Variants in SLC30A10 observed in about 807,000 individuals in gnomAD.
SLC30A10 encodes the protein solute carrier family 30 member 10.
SLC30A10 carries 8 observed loss-of-function variants against 21.7 expected under a neutral mutation model. The ratio of observed to expected loss-of-function variants is 0.37; its 90% CI spans 0.22 to 0.67. The LOEUF (loss-of-function observed/expected upper bound fraction) is 0.67, where lower values mean the gene tolerates loss of function less well. Ranked by LOEUF, SLC30A10 falls within the 30% of genes least tolerant of loss-of-function variation. SLC30A10 has a pLI of 0.58. For synonymous variants in SLC30A10, 272 were observed against 279.4 expected (o/e 0.97, Z 0.26); for missense variants, 521 against 642.5 (o/e 0.81, Z 2.04).
chr1:219,953,488 C>G (rs1431422070), intron 1 of SLC30A10, among the ~76,000 whole-genome samples: 1 of 151,392 alleles, frequency 6.6e-6, no homozygotes, highest in Non-Finnish European at 1.5e-5. Context: ...CCCACCTACT[C>G]GGGAGGCTGA....
intron 1 of SLC30A10, among the ~76,000 whole-genome samples, chr1:219,946,589 G>C (rs868180500): frequency 6.6e-6 from 1 of 152,082 alleles, no homozygotes; most frequent in East Asian, 1.9e-4. Context: ...AGGGTGGAAG[G>C]GTCTTCTCTC....
At chr1:219,917,905 G>A (rs1175965141) in intron 3 of SLC30A10, among the ~76,000 whole-genome samples, 1 of 151,928 alleles carries the variant, frequency 6.6e-6, no homozygotes, top group Non-Finnish European at 1.5e-5. Flanking sequence ...TAGAGACAGG[G>A]TTTCACCATG....
chr1:219,924,493 C>A (rs1659768951), intron 2 of SLC30A10, among the ~76,000 whole-genome samples: 1 of 152,160 alleles, frequency 6.6e-6, no homozygotes, highest in Admixed American at 6.5e-5. Flanking sequence ...TGATCCTTCC[C>A]TGAACTGTGG....
In SLC30A10 at chr1:219,919,757, C is replaced by A. The variant is rs944519143; in HGVS notation, c.719-1263G>T. Among the ~76,000 whole-genome samples the A allele has an allele frequency of 3.1e-4, 40 of 130,658 alleles. No homozygotes were observed. The South Asian group carries it at 9.1e-3, about 30-fold the overall frequency. 85.7% of individuals were successfully genotyped at this position (130,658 alleles called of 152,430 possible). On this transcript the variant is annotated intron_variant, in intron 2 of 3. Coordinates refer to ENST00000366926, the MANE Select transcript of SLC30A10 (RefSeq NM_018713.3). ...TGCCATTGTACTCCAGCCTGGGCAA[C>A]AAGAGTGAAACTCTGTCTCAAAAAA...
At chr1:219,956,043 A>G (rs1374093685) in intron 1 of SLC30A10, among the ~76,000 whole-genome samples, 1 of 152,236 alleles carries the variant, frequency 6.6e-6, no homozygotes, top group Non-Finnish European at 1.5e-5. Flanking sequence ...AATTTAGATG[A>G]TGGGAAGAAT....
intron 1 of SLC30A10, among the ~76,000 whole-genome samples, chr1:219,948,443 TCAGAAATAA>T (rs1228645653): frequency 3.9e-5 from 6 of 152,160 alleles, no homozygotes; most frequent in African/African-American, 9.6e-5. Flanking sequence ...AACAGAGCCC[TCAGAAATAA>T]TGCCACGTAT....
rs534972294 is a variant in SLC30A10, at chr1:219,918,019, T to C, written c.958+236A>G. Among the ~76,000 whole-genome samples the C allele has an allele frequency of 1.1e-4, 16 of 152,228 alleles. No homozygotes were observed. Among genetic ancestry groups the C allele is most frequent in the Admixed American group, 7.9e-4 (12 of 15,278 alleles). On this transcript the variant is annotated intron_variant, in intron 3 of 3. Transcript: ENST00000366926. The surrounding 1 kb of genome is among the most constrained non-coding windows in gnomAD (Gnocchi z 4.4). ...TGAGCCACCATGCCCAGACCAAGTA[T>C]TGCATTCTTAAAAATTTGCAGTTGA...
At chr1:219,953,679 ATTTTATTTTATT>A (rs1660304807) in intron 1 of SLC30A10, among the ~76,000 whole-genome samples, 3 of 65,778 alleles carry the variant, frequency 4.6e-5, no homozygotes, top group Non-Finnish European at 1.2e-4. Context: ...ATTTTATTTT[ATTTTATTTTATT>A]TTATTTTATT....
chr1:219,954,814 G>A (rs558283358), intron 1 of SLC30A10, among the ~76,000 whole-genome samples: 12 of 151,586 alleles, frequency 7.9e-5, no homozygotes, highest in Non-Finnish European at 1.3e-4. Context: ...GGCAGGCCCC[G>A]TCTATCCCAG....
upstream of SLC30A10, among the ~76,000 whole-genome samples, chr1:219,931,760 C>T (rs1323225127): frequency 3.3e-5 from 5 of 152,102 alleles, no homozygotes; most frequent in African/African-American, 9.7e-5. Flanking sequence ...GTATTATAGG[C>T]GTGAGCCACC....
upstream of SLC30A10, among the ~76,000 whole-genome samples, chr1:219,931,177 C>T (rs992049030): frequency 6.6e-6 from 1 of 152,206 alleles, no homozygotes; most frequent in Admixed American, 6.5e-5. Flanking sequence ...GAAAGAAAAC[C>T]TGAAATCAGC....
At chr1:219,925,649 A>AT (rs1414820217) in intron 2 of SLC30A10, among the ~76,000 whole-genome samples, 672 of 65,856 alleles carry the variant, frequency 0.01, 18 homozygotes, top group East Asian at 0.047. Context: ...ATATATATAT[A>AT]TATTTTTTTT....
intron 1 of SLC30A10, among the ~76,000 whole-genome samples, chr1:219,927,542 G>A (rs917946652): frequency 6.6e-6 from 1 of 150,822 alleles, no homozygotes; most frequent in Non-Finnish European, 1.5e-5. Flanking sequence ...AAGAGGCCAG[G>A]GCTACCCGAG....
intron 1 of SLC30A10, among the ~76,000 whole-genome samples, chr1:219,947,107 G>A (rs377184865): frequency 6.6e-6 from 1 of 152,076 alleles, no homozygotes; most frequent in Non-Finnish European, 1.5e-5. Flanking sequence ...CTGTTCCTTT[G>A]TAAGGAGCCA....
chr1:219,949,357 C>T (rs1170574735), intron 1 of SLC30A10, among the ~76,000 whole-genome samples: 2 of 151,934 alleles, frequency 1.3e-5, no homozygotes, highest in African/African-American at 4.8e-5. Flanking sequence ...GGAACCAACC[C>T]AAATGTCCAA....
chr1:219,944,857 T>C (rs1347923811), intron 1 of SLC30A10, among the ~76,000 whole-genome samples: 1 of 151,934 alleles, frequency 6.6e-6, no homozygotes, highest in Non-Finnish European at 1.5e-5. Flanking sequence ...AAAAGTAAAA[T>C]AGCAGTCTCA....
chr1:219,933,393 GAAAATTTAAAAGGCAGAGTAGCGC>G (rs1659997499), upstream of SLC30A10, among the ~76,000 whole-genome samples: 1 of 152,170 alleles, frequency 6.6e-6, no homozygotes, highest in African/African-American at 2.4e-5. Context: ...CTCACTTTGA[GAAAATTTAAAAGGCAGAGTAGCGC>G]TGCAGTTAAT....
chr1:219,953,928 G>C (rs549516823), intron 1 of SLC30A10, among the ~76,000 whole-genome samples: 26 of 151,144 alleles, frequency 1.7e-4, no homozygotes, highest in Non-Finnish European at 3.2e-4. Flanking sequence ...GGATGGTCTC[G>C]ATCTCCTGAC....
chr1:219,926,339 T>TG (rs1659824555), intron 2 of SLC30A10, among the ~76,000 whole-genome samples: 2 of 152,222 alleles, frequency 1.3e-5, no homozygotes, highest in South Asian at 4.1e-4. Context: ...AAGTCAAAAT[T>TG]GGGGATTAAC....
Sources: gnomAD v4.1 joint callset for allele counts (sites outside exome capture counted in the v4.1 genomes callset) on GRCh38, gnomAD v4.1.1 for gene constraint, Gnocchi (gnomAD v3.1) non-coding constraint, MANE v1.5 for transcripts, NCBI Gene and HGNC (gene_info 2026-07-23, HGNC 2026-07-21) for gene names.